Variants in CCDC6 observed in about 807,000 individuals in gnomAD.
CCDC6 encodes coiled-coil domain-containing protein 6.
Under a neutral mutation model 56.6 loss-of-function variants are expected in CCDC6, and 20 were observed. The observed-to-expected ratio is 0.35, with a 90% confidence interval of 0.25 to 0.51. The LOEUF is 0.51. Ranked by LOEUF, CCDC6 falls within the 20% of genes least tolerant of loss-of-function variation. CCDC6 has a pLI of 0.95. For synonymous variants in CCDC6, 241 were observed against 234.4 expected (o/e 1.03, Z -0.26); for missense variants, 367 against 601.1 (o/e 0.61, Z 4.07).
intron 1 of CCDC6, among the ~76,000 whole-genome samples, chr10:59,863,729 C>T (rs148665516): frequency 2.4e-3 from 367 of 152,246 alleles, no homozygotes; most frequent in Non-Finnish European, 4.0e-3. Flanking sequence ...ATAACATGCA[C>T]GCTTTTCATA....
intron 1 of CCDC6, among the ~76,000 whole-genome samples, chr10:59,904,155 G>C (rs1362713193): frequency 1.3e-5 from 2 of 150,102 alleles, no homozygotes; most frequent in African/African-American, 4.9e-5. Flanking sequence ...AACACCACAC[G>C]ACATTTCACA....
At chr10:59,856,428 TA>T (rs539468708) in intron 1 of CCDC6, among the ~76,000 whole-genome samples, 108 of 152,134 alleles carry the variant, frequency 7.1e-4, no homozygotes, top group African/African-American at 2.5e-3. Flanking sequence ...CCATGCATCA[TA>T]AAAAAAGTAT....
chr10:59,855,632 A>G (rs978844927), intron 1 of CCDC6, among the ~76,000 whole-genome samples: 2 of 152,198 alleles, frequency 1.3e-5, no homozygotes, highest in Non-Finnish European at 2.9e-5. Flanking sequence ...ATGACTGCTC[A>G]TGGCTACACG....
intron 1 of CCDC6, among the ~76,000 whole-genome samples, chr10:59,865,415 T>C (rs567733006): frequency 6.6e-6 from 1 of 152,148 alleles, no homozygotes; most frequent in East Asian, 1.9e-4. Flanking sequence ...TCCCACCCTT[T>C]CCCGGCAAGG....
chr10:59,892,844 A>C (rs2071432634), intron 1 of CCDC6, among the ~76,000 whole-genome samples: 1 of 152,136 alleles, frequency 6.6e-6, no homozygotes, highest in South Asian at 2.1e-4. Flanking sequence ...AACCTAATTA[A>C]TAAGCACATA....
At chr10:59,900,205 G>T (rs978682536) in intron 1 of CCDC6, among the ~76,000 whole-genome samples, 5 of 151,878 alleles carry the variant, frequency 3.3e-5, no homozygotes, top group South Asian at 2.1e-4. Flanking sequence ...GACGTGGGGT[G>T]GGGGGGGTGG....
At chr10:59,848,149 C>T (rs984196651) in intron 2 of CCDC6, among the ~76,000 whole-genome samples, 3 of 152,174 alleles carry the variant, frequency 2.0e-5, no homozygotes, top group Admixed American at 1.3e-4. Flanking sequence ...CCTAAGCTAC[C>T]CAGAACTGCC....
chr10:59,812,508 C>G (rs952233742), intron 5 of CCDC6, 127 bp downstream of exon 5: 1 of 571,860 alleles, frequency 1.7e-6, no homozygotes, highest in Non-Finnish European at 2.7e-6. Flanking sequence ...CTTAAGTAAA[C>G]ATGCATCAGT....
intron 1 of CCDC6, among the ~76,000 whole-genome samples, chr10:59,867,696 G>C (rs971560389): frequency 6.6e-6 from 1 of 152,076 alleles, no homozygotes; most frequent in Non-Finnish European, 1.5e-5. Flanking sequence ...TGGGACTACA[G>C]GTGCATGATA....
chr10:59,818,820 A>G (rs984910783), intron 3 of CCDC6, among the ~76,000 whole-genome samples: 1 of 151,920 alleles, frequency 6.6e-6, no homozygotes, highest in African/African-American at 2.4e-5. Context: ...ACAAATTCAT[A>G]AAGTATATGC....
chr10:59,797,050 G>T (rs2070527100), intron 7 of CCDC6, among the ~76,000 whole-genome samples: 1 of 151,234 alleles, frequency 6.6e-6, no homozygotes, highest in Admixed American at 6.6e-5. Context: ...GATATATATA[G>T]ACATATAAAG....
chr10:59,902,943 G>A (rs2071515242), intron 1 of CCDC6, among the ~76,000 whole-genome samples: 1 of 152,154 alleles, frequency 6.6e-6, no homozygotes, highest in Non-Finnish European at 1.5e-5. Context: ...CCTACAGGAG[G>A]TGAAGAGATA....
chr10:59,889,950 A>G (rs2071409168), intron 1 of CCDC6, among the ~76,000 whole-genome samples: 2 of 152,212 alleles, frequency 1.3e-5, no homozygotes, highest in South Asian at 4.2e-4. Context: ...GGGATGACCA[A>G]TCTCTGAATT....
At chr10:59,831,056 C>T (rs892907349) in intron 3 of CCDC6, among the ~76,000 whole-genome samples, 2 of 152,152 alleles carry the variant, frequency 1.3e-5, no homozygotes, top group Admixed American at 6.5e-5. Flanking sequence ...CACAAATCTT[C>T]GAAGCTTACC....
intron 1 of CCDC6, among the ~76,000 whole-genome samples, chr10:59,896,048 G>C (rs1044712639): frequency 6.6e-6 from 1 of 152,164 alleles, no homozygotes; most frequent in Non-Finnish European, 1.5e-5. Flanking sequence ...ACACTCCACG[G>C]GGAGAGGATA....
At chr10:59,823,188 T>A (rs975131578) in intron 3 of CCDC6, among the ~76,000 whole-genome samples, 4 of 152,224 alleles carry the variant, frequency 2.6e-5, no homozygotes. Flanking sequence ...TGAGTGCAGA[T>A]ACAAAAGGCT....
chr10:59,801,213 A>C (rs761958734), intron 7 of CCDC6, among the ~76,000 whole-genome samples: 1 of 152,228 alleles, frequency 6.6e-6, no homozygotes, highest in Non-Finnish European at 1.5e-5. Context: ...TTGTGGAAAC[A>C]AATTAAAGGC....
chr10:59,896,320 C>T (rs2132685836), intron 1 of CCDC6, among the ~76,000 whole-genome samples: 1 of 152,282 alleles, frequency 6.6e-6, no homozygotes, highest in East Asian at 1.9e-4. Context: ...CCCTTCCCTC[C>T]TGGAGGACAA....
intron 2 of CCDC6, among the ~76,000 whole-genome samples, chr10:59,844,377 C>T (rs189077129): frequency 3.3e-4 from 49 of 149,960 alleles, no homozygotes; most frequent in East Asian, 2.2e-3. Context: ...GAGCATGATG[C>T]CACTAAAAGC....
Sources: allele counts gnomAD v4.1 joint callset (sites outside exome capture counted in the v4.1 genomes callset), GRCh38; gene constraint gnomAD v4.1.1; transcripts MANE v1.5; gene names NCBI Gene and HGNC (gene_info 2026-07-23, HGNC 2026-07-21).